TNS3: variants seen among roughly 807,000 people sequenced by gnomAD.
TNS3 encodes the protein tensin-3.
TNS3 carries 45 observed loss-of-function variants against 140.9 expected under a neutral mutation model. The ratio of observed to expected loss-of-function variants is 0.32; its 90% CI spans 0.25 to 0.41. The LOEUF (loss-of-function observed/expected upper bound fraction) is 0.41. TNS3 is among the 10% of genes least tolerant of loss of function. The pLI, the probability that TNS3 is intolerant of heterozygous loss-of-function variation, is 1.00. For synonymous variants in TNS3, 815 were observed against 788.4 expected, an observed-to-expected ratio of 1.03 and a Z score of -0.56; for missense variants, 1,716 against 1,906.7, an observed-to-expected ratio of 0.90 and a Z score of 1.86.
intron 8 of TNS3, among the ~76,000 whole-genome samples, chr7:47,432,118 A>G (rs1349260366): frequency 6.6e-6 from 1 of 152,262 alleles, no homozygotes; most frequent in Non-Finnish European, 1.5e-5. Context: ...TATGGTTTAA[A>G]TATTAGCCCC....
intron 1 of TNS3, among the ~76,000 whole-genome samples, chr7:47,572,646 C>T (rs181452014): frequency 7.9e-5 from 12 of 152,192 alleles, no homozygotes; most frequent in African/African-American, 2.4e-4. Context: ...GAGGCCGAGG[C>T]GGGCAGATCG....
intron 20 of TNS3, 51 bp from the exon 21 acceptor site, chr7:47,305,054 A>G (rs1786666337): frequency 7.7e-7 from 1 of 1,293,166 alleles, no homozygotes. Context: ...GGACTGGAGA[A>G]GTCATAATCT....
chr7:47,344,130 C>G (rs955757323), intron 20 of TNS3, among the ~76,000 whole-genome samples: 1 of 152,206 alleles, frequency 6.6e-6, no homozygotes, highest in African/African-American at 2.4e-5. Context: ...TCTCTCTCCA[C>G]CTGCCTGAGC....
At chr7:47,525,652 A>G (rs17172877) in intron 2 of TNS3, among the ~76,000 whole-genome samples, 1 of 152,224 alleles carries the variant, frequency 6.6e-6, no homozygotes, top group Non-Finnish European at 1.5e-5. Context: ...ACAATGTGGA[A>G]TATCTGTGCG....
intron 8 of TNS3, among the ~76,000 whole-genome samples, chr7:47,433,413 T>TCAAC (rs1795019474): frequency 6.6e-6 from 1 of 152,190 alleles, no homozygotes; most frequent in African/African-American, 2.4e-5. Flanking sequence ...CTGAGAAGTT[T>TCAAC]CAACATGTTC....
At chr7:47,378,302 C>T (rs1263542428) in intron 16 of TNS3, among the ~76,000 whole-genome samples, 1 of 152,168 alleles carries the variant, frequency 6.6e-6, no homozygotes, top group East Asian at 1.9e-4. Context: ...AGTGAGTACA[C>T]AGAACGCAGG....
rs183505460 is a variant in TNS3 at position 47,488,042 on chromosome 7, T to A, written c.-114-6901A>T. Reference sequence around the variant, plus strand: ...ACTCTTCTATAATCTCTACACGGAGTAGCAGCCTGGTTGCAAGGAGGGTGG... The same window carrying A: ...ACTCTTCTATAATCTCTACACGGAGAAGCAGCCTGGTTGCAAGGAGGGTGG... On this transcript the variant is annotated intron_variant, in intron 3 of 30. Transcript: ENST00000311160. 2.6e-4 allele frequency among the ~76,000 whole-genome samples: 40 copies of A among 152,068 alleles called. 1 individual carries two copies. Among genetic ancestry groups the A allele is most frequent in the Admixed American group, 2.2e-3 (33 of 15,270 alleles).
At chr7:47,409,679 A>ACGGAGTCTCGCTCTGT (rs1793656454) in intron 13 of TNS3, among the ~76,000 whole-genome samples, 1 of 147,986 alleles carries the variant, frequency 6.8e-6, no homozygotes. Flanking sequence ...TACCTCTGAG[A>ACGGAGTCTCGCTCTGT]CGGAGTCTCG....
chr7:47,338,690 CG>C (rs1401931000), intron 20 of TNS3, among the ~76,000 whole-genome samples: 3 of 152,128 alleles, frequency 2.0e-5, no homozygotes, highest in Admixed American at 1.3e-4. Context: ...TTTACGTCTG[CG>C]GAGTACTTCG....
At chr7:47,382,389 C>A (rs1391659100) in intron 16 of TNS3, among the ~76,000 whole-genome samples, 1 of 152,232 alleles carries the variant, frequency 6.6e-6, no homozygotes, top group Non-Finnish European at 1.5e-5. Context: ...CTGGCAGCCA[C>A]TGAGCAGGCA....
intron 9 of TNS3, among the ~76,000 whole-genome samples, chr7:47,426,393 C>T (rs908940084): frequency 6.6e-6 from 1 of 152,088 alleles, no homozygotes; most frequent in Non-Finnish European, 1.5e-5. Flanking sequence ...GAAATGATGT[C>T]GGGAAATGAT....
intron 13 of TNS3, among the ~76,000 whole-genome samples, chr7:47,401,184 C>T (rs1793141893): frequency 6.6e-6 from 1 of 152,238 alleles, no homozygotes; most frequent in African/African-American, 2.4e-5. Context: ...GGAACCGCAG[C>T]TCTGAACACC....
chr7:47,497,760 G>A (rs1437945015), intron 3 of TNS3, among the ~76,000 whole-genome samples: 2 of 151,730 alleles, frequency 1.3e-5, no homozygotes, highest in Non-Finnish European at 2.9e-5. Context: ...AGCGACGTGT[G>A]CCCATGGATG....
At chr7:47,579,949 G>T in intron 1 of TNS3, 1 of 569,948 alleles carries the variant, frequency 1.8e-6, no homozygotes. Context: ...TATTTCCAGA[G>T]TCACATTTGC....
chr7:47,396,374 A>G (rs1792829559), intron 16 of TNS3, among the ~76,000 whole-genome samples: 1 of 152,248 alleles, frequency 6.6e-6, no homozygotes, highest in South Asian at 2.1e-4. Flanking sequence ...CTAGACTAAC[A>G]AGCAAACAGA....
chr7:47,542,960 A>G (rs922159919), intron 1 of TNS3, among the ~76,000 whole-genome samples: 6 of 150,110 alleles, frequency 4.0e-5, no homozygotes, highest in African/African-American at 1.2e-4. Context: ...TGCCTCTGAT[A>G]TTGAAAAAGA....
intron 2 of TNS3, among the ~76,000 whole-genome samples, chr7:47,525,329 C>T (rs142683461): frequency 2.0e-5 from 3 of 152,348 alleles, no homozygotes; most frequent in African/African-American, 7.2e-5. Flanking sequence ...GGCCACCACA[C>T]TGGGCTTTGT....
intron 1 of TNS3, among the ~76,000 whole-genome samples, chr7:47,566,696 G>A (rs991886901): frequency 6.6e-6 from 1 of 152,140 alleles, no homozygotes; most frequent in East Asian, 1.9e-4. Flanking sequence ...AGGGAATCGG[G>A]TCTCAACCAA....
chr7:47,449,301 C>A (rs1437236960), intron 4 of TNS3, among the ~76,000 whole-genome samples: 1 of 152,196 alleles, frequency 6.6e-6, no homozygotes, highest in African/African-American at 2.4e-5. Flanking sequence ...CGTCCCATTG[C>A]CATGGGGTGA....
Sources: allele counts gnomAD v4.1 joint callset (sites outside exome capture counted in the v4.1 genomes callset), GRCh38; gene constraint gnomAD v4.1.1; transcripts MANE v1.5; gene names NCBI Gene and HGNC (gene_info 2026-07-23, HGNC 2026-07-21).